Variants in PNLIPRP1 observed in about 807,000 individuals in gnomAD.
PNLIPRP1 encodes the protein pancreatic lipase related protein 1, also known as inactive pancreatic lipase-related protein 1.
Under a neutral mutation model 54.6 loss-of-function variants are expected in PNLIPRP1, and 57 were observed. The ratio of observed to expected loss-of-function variants is 1.04; its 90% CI spans 0.84 to 1.30. The LOEUF (loss-of-function observed/expected upper bound fraction) is 1.30, where lower values mean the gene tolerates loss of function less well. Among genes scored for constraint, PNLIPRP1 ranks in the 50% most tolerant of loss-of-function variants. The pLI is 0.00. For synonymous variants in PNLIPRP1, 232 were observed against 208.8 expected, an observed-to-expected ratio of 1.11 and a Z score of -0.96; for missense variants, 567 against 568.5, an observed-to-expected ratio of 1.00 and a Z score of 0.03.
chr10:116,603,947 A>G, intron 10 of PNLIPRP1, 83 bp from the exon 11 acceptor site: 1 of 643,228 alleles, frequency 1.6e-6, no homozygotes, highest in Non-Finnish European at 2.7e-6. Flanking sequence ...TTGTTGCCTC[A>G]GAGTAAGAGA....
rs989186516 is a variant in PNLIPRP1, at chr10:116,604,775, G to A, written c.1173-611G>A. 5.3e-5 allele frequency among the ~76,000 whole-genome samples: 7 copies of A among 132,824 alleles called. No homozygotes were observed. The South Asian group carries it at 7.8e-4, about 15-fold the overall frequency. 87.1% of individuals were successfully genotyped at this position (132,824 alleles called of 152,430 possible). A position where few individuals can be genotyped will look rare whatever the true frequency, so the allele number is the denominator to read the frequency against. Reference sequence around the variant, plus strand: ...ACGATCTTGGCTCATTGCAACCTCCGCCTCCCGGGTTCAAGAAATTCTCGT... The same window carrying A: ...ACGATCTTGGCTCATTGCAACCTCCACCTCCCGGGTTCAAGAAATTCTCGT... On this transcript the variant is annotated intron_variant, in intron 11 of 12. Transcript: ENST00000358834.
intron 10 of PNLIPRP1, 50 bp downstream of exon 10, chr10:116,601,251 TG>T: frequency 6.5e-7 from 1 of 1,539,954 alleles, no homozygotes; most frequent in Non-Finnish European, 8.8e-7. Flanking sequence ...ATATAGTTTC[TG>T]TTACAAATGA....
intron 12 of PNLIPRP1, 122 bp from the exon 13 acceptor site, chr10:116,608,930 CT>C: frequency 1.3e-6 from 1 of 778,578 alleles, no homozygotes; most frequent in Non-Finnish European, 2.3e-6. Flanking sequence ...CACTCATCAA[CT>C]GTGACCTGGG....
At chr10:116,594,247 G>A in intron 4 of PNLIPRP1, 3 of 458,412 alleles carry the variant, frequency 6.5e-6, no homozygotes, top group Non-Finnish European at 1.3e-5. Flanking sequence ...ATATCTACAT[G>A]TGTCTACTCC....
Position 116,592,742 on chromosome 10 carries a change from A to G in PNLIPRP1, c.330+201A>G. ...TGAAGCAACCACATTTGCTGTTAGA[A>G]AAGTACTCCTACTACCTAATTTCTG... On this transcript the variant is annotated intron_variant, in intron 4 of 12. Transcript: ENST00000358834. The G allele has an allele frequency of 2.9e-6, 2 of 683,810 alleles. 1 individual carries two copies. Among genetic ancestry groups the G allele is most frequent in the South Asian group, 3.0e-5 (2 of 66,246 alleles). 42.4% of individuals were successfully genotyped at this position (683,810 alleles called of 1,614,324 possible). A position where few individuals can be genotyped will look rare whatever the true frequency, so the allele number is the denominator to read the frequency against.
At chr10:116,591,707 G>T (rs1404148503) in intron 2 of PNLIPRP1, 64 bp from the exon 3 acceptor site, 69 of 1,541,234 alleles carry the variant, frequency 4.5e-5, no homozygotes, top group Non-Finnish European at 6.1e-5. Context: ...GGCCCGAACA[G>T]CAGTGACACC....
At position 116,605,925 on chromosome 10, in the gene PNLIPRP1, A is replaced by G. The variant is rs113508238; in HGVS notation, c.1340+372A>G. Among the ~76,000 whole-genome samples, 319 of 152,350 alleles carry G rather than the reference A, an allele frequency of 2.1e-3. 2 individuals are homozygous for G. Among genetic ancestry groups the G allele is most frequent in the African/African-American group, 7.4e-3 (309 of 41,586 alleles). The stretch of plus-strand genomic sequence containing the variant: ...ATTACATTTCAGGATAATAAAACGG[A>G]AAATAAATCGGTTTTAGGAAAAGAT... On this transcript the variant is annotated intron_variant, in intron 12 of 12. Coordinates refer to ENST00000358834, the MANE Select transcript of PNLIPRP1 (RefSeq NM_006229.4).
In PNLIPRP1 at chr10:116,600,001, A is replaced by T. The variant is rs781951949; in HGVS notation, c.815-46A>T. 3.1e-5 allele frequency: 38 copies of T among 1,227,498 alleles called. No homozygotes were observed. In the South Asian group the frequency reaches 4.6e-4, roughly 15 times the overall value. The allele number at this position is 1,227,498 out of a possible 1,614,324, so 76.0% of individuals were successfully genotyped here. On this transcript the variant is annotated intron_variant, in intron 8 of 12. Coordinates refer to ENST00000358834, the MANE Select transcript of PNLIPRP1 (RefSeq NM_006229.4). ...TGGAGAGAGAGGCAGAGAAGCTGTT[A>T]CAGGCCCCCAACCACCTGTTCAGGT...
intron 6 of PNLIPRP1, among the ~76,000 whole-genome samples, 182 bp downstream of exon 6, chr10:116,596,504 G>A (rs782637006): frequency 5.3e-5 from 8 of 152,108 alleles, no homozygotes; most frequent in African/African-American, 9.7e-5. Context: ...CCACCTTCAC[G>A]GCAAGGGAAG....
At chr10:116,598,855 C>T (rs1437881112) in intron 8 of PNLIPRP1, among the ~76,000 whole-genome samples, 2 of 152,232 alleles carry the variant, frequency 1.3e-5, no homozygotes, top group East Asian at 3.8e-4. Flanking sequence ...TGTGGCACCA[C>T]ACGGAGAAAA....
intron 8 of PNLIPRP1, 92 bp from the exon 9 acceptor site, chr10:116,599,955 C>T (rs1326073789): frequency 1.2e-5 from 9 of 776,326 alleles, no homozygotes; most frequent in African/African-American, 3.5e-5. Context: ...AAATACGGTC[C>T]TACTTTGGAA....
In PNLIPRP1 at chr10:116,596,324, TA is replaced by T; in HGVS notation, c.574+4del. ...CTCCAGGCCTGAGCAGGATTACAGG[TA>T]AGGCCCCAGAGGCAGGGCCCCAGTT... On this transcript the variant is annotated splice_donor_region_variant and intron_variant, in intron 6 of 12. Coordinates refer to ENST00000358834, the MANE Select transcript of PNLIPRP1 (RefSeq NM_006229.4). The T allele has an allele frequency of 6.3e-7, 1 of 1,589,388 alleles. No homozygotes were observed. Among genetic ancestry groups the T allele is most frequent in the Non-Finnish European group, 8.6e-7 (1 of 1,158,584 alleles).
intron 12 of PNLIPRP1, 52 bp downstream of exon 12, chr10:116,605,605 A>G: frequency 7.4e-7 from 1 of 1,358,896 alleles, no homozygotes; most frequent in Non-Finnish European, 1.0e-6. Context: ...GATTCATGTT[A>G]TAATGAAAAC....
chr10:116,592,799 A>G (rs1315417609), intron 4 of PNLIPRP1: 22 of 512,508 alleles, frequency 4.3e-5, no homozygotes, highest in East Asian at 1.3e-4. Flanking sequence ...TTCTGCTTCC[A>G]TTTGTAGTGA....
At chr10:116,603,535 G>C (rs782450292) in intron 10 of PNLIPRP1, among the ~76,000 whole-genome samples, 1 of 152,128 alleles carries the variant, frequency 6.6e-6, no homozygotes, top group Non-Finnish European at 1.5e-5. Flanking sequence ...TTCTAGAGGG[G>C]GATACTGCTA....
At position 116,592,508 on chromosome 10, in the gene PNLIPRP1, A is replaced by C. The variant is rs1347379863; in HGVS notation, c.297A>C (p.Lys99Asn). The C allele has an allele frequency of 6.2e-7, 1 of 1,614,066 alleles. No individual in the cohort carries two copies. Among genetic ancestry groups the C allele is most frequent in the Non-Finnish European group, 8.5e-7 (1 of 1,180,036 alleles). The change falls in exon 4 of 13, where the codon AAA becomes AAC. Residue 99 changes from lysine to asparagine, a missense_variant. Coordinates refer to ENST00000358834, the MANE Select transcript of PNLIPRP1 (RefSeq NM_006229.4). The stretch of plus-strand genomic sequence containing the variant: ...TCATCATCCATGGCTTCATAGACAA[A>C]GGAGATGAGAGCTGGGTGACAGACA... ...TRFIIHGFID[K>N]GDESWVTDMC...
chr10:116,605,035 T>C (rs1156995872), intron 11 of PNLIPRP1, among the ~76,000 whole-genome samples: 1 of 152,170 alleles, frequency 6.6e-6, no homozygotes, highest in Non-Finnish European at 1.5e-5. Context: ...AATCTAATAT[T>C]ACTTCAGATA....
At chr10:116,592,017 C>T in intron 3 of PNLIPRP1, 92 bp downstream of exon 3, 5 of 1,371,150 alleles carry the variant, frequency 3.6e-6, no homozygotes, top group Non-Finnish European at 4.1e-6. Context: ...TGCCCTCTTC[C>T]TCCACCATGC....
intron 10 of PNLIPRP1, among the ~76,000 whole-genome samples, chr10:116,601,863 T>G (rs1847846919): frequency 6.6e-6 from 1 of 152,226 alleles, no homozygotes; most frequent in South Asian, 2.1e-4. Context: ...CTTACATAGT[T>G]TTTAAAGTCA....
Sources: allele counts gnomAD v4.1 joint callset (sites outside exome capture counted in the v4.1 genomes callset), GRCh38; gene constraint gnomAD v4.1.1; transcripts MANE v1.5; gene names NCBI Gene and HGNC (gene_info 2026-07-23, HGNC 2026-07-21).